The following FGF14 variants were observed in gnomAD, a reference collection of about 807,000 sequenced individuals.
FGF14 encodes fibroblast growth factor homologous factor 4.
A neutral mutation model predicts 25.5 loss-of-function variants in FGF14; 5 were observed. The observed-to-expected ratio is 0.20, with a 90% CI of 0.10 to 0.41. The LOEUF (loss-of-function observed/expected upper bound fraction) is 0.41. Ranked by LOEUF, FGF14 falls within the 10% of genes least tolerant of loss-of-function variation. FGF14 has a pLI of 1.00. For missense variants in FGF14, 222 were observed against 320.1 expected (o/e 0.69, Z 2.34); for synonymous variants, 138 against 118.3 (o/e 1.17, Z -1.08).
chr13:101,875,257 C>T lies in FGF14; in HGVS notation c.233G>A (p.Arg78Lys), dbSNP rs775032992. Residue 78 changes from arginine (R) to lysine (K), a missense_variant, in exon 2 of 5, where the codon AGG (arginine) becomes AAG (lysine). This residue lies in a region of FGF14 where 50 missense variants were observed against 75.2 expected (regional missense o/e 0.66). Transcript: ENST00000376143. ...GTGCATTTGCAAGTAGTAGCCTTGC[C>T]TGCAATATAACCTGGTCACTATACC... is the stretch of plus-strand genomic sequence containing the variant. ...LKGIVTRLYC[R>K]QGYYLQMHPD... 1.2e-6 allele frequency: 2 copies of T among 1,613,300 alleles called. No individual in the cohort carries two copies. Among genetic ancestry groups the T allele is most frequent in the East Asian group, 2.2e-5 (1 of 44,824 alleles).
chr13:101,861,947 T>C (rs577237607), intron 3 of FGF14, among the ~76,000 whole-genome samples: 20 of 152,214 alleles, frequency 1.3e-4, no homozygotes, highest in Admixed American at 5.2e-4. Context: ...GGTTTTCTTG[T>C]TTGTTTGTTC....
intron 1 of FGF14, among the ~76,000 whole-genome samples, chr13:101,942,754 CTG>C (rs2035536756): frequency 6.6e-6 from 1 of 152,218 alleles, no homozygotes; most frequent in Non-Finnish European, 1.5e-5. Context: ...ACACTGGTGT[CTG>C]TGTTTCTATG....
chr13:101,887,268 T>C (rs2046037247), intron 1 of FGF14, among the ~76,000 whole-genome samples: 1 of 151,878 alleles, frequency 6.6e-6, no homozygotes, highest in African/African-American at 2.4e-5. Flanking sequence ...GGGGTCAATG[T>C]CCATCAATGG....
At chr13:102,343,238 G>T (rs1025974852) in intron 1 of FGF14, among the ~76,000 whole-genome samples, 22 of 152,140 alleles carry the variant, frequency 1.4e-4, no homozygotes, top group African/African-American at 4.8e-4. Flanking sequence ...AAGGGTAATT[G>T]AATACAAAAA....
chr13:102,136,452 T>TAAC (rs139258268), intron 1 of FGF14, among the ~76,000 whole-genome samples: 5,303 of 152,108 alleles, frequency 0.035, 303 homozygotes, highest in African/African-American at 0.12. Context: ...ATGCCTCCCA[T>TAAC]AACAACAACA....
At chr13:102,134,705 C>T (rs928239365) in intron 1 of FGF14, among the ~76,000 whole-genome samples, 11 of 152,228 alleles carry the variant, frequency 7.2e-5, no homozygotes, top group African/African-American at 1.9e-4. Context: ...CTTATAGTGA[C>T]TGATATGGCA....
At chr13:102,059,089 T>A (rs1006817727) in intron 1 of FGF14, among the ~76,000 whole-genome samples, 2 of 152,126 alleles carry the variant, frequency 1.3e-5, no homozygotes, top group Non-Finnish European at 2.9e-5. Flanking sequence ...AAAATAATGA[T>A]GAGGCTACTT....
At chr13:101,862,789 T>C (rs1019655742) in intron 3 of FGF14, among the ~76,000 whole-genome samples, 1 of 152,074 alleles carries the variant, frequency 6.6e-6, no homozygotes, top group Admixed American at 6.6e-5. Flanking sequence ...CAAGAAAGGA[T>C]AATAGCCATT....
At chr13:101,940,368 C>T (rs1397186961) in intron 1 of FGF14, among the ~76,000 whole-genome samples, 1 of 152,218 alleles carries the variant, frequency 6.6e-6, no homozygotes, top group African/African-American at 2.4e-5. Flanking sequence ...AGCCTTAATT[C>T]TCCAGTGGGA....
At chr13:102,156,979 T>G (rs1407496020) in intron 1 of FGF14, among the ~76,000 whole-genome samples, 2 of 152,156 alleles carry the variant, frequency 1.3e-5, no homozygotes, top group African/African-American at 2.4e-5. Context: ...CAAGGAGAAC[T>G]ACAAACCACT....
intron 1 of FGF14, among the ~76,000 whole-genome samples, chr13:101,951,234 T>C (rs2036149527): frequency 6.6e-6 from 1 of 152,194 alleles, no homozygotes; most frequent in South Asian, 2.1e-4. Flanking sequence ...AATCAAAGAA[T>C]GATGTTCATA....
chr13:101,888,484 G>T (rs2046106027), intron 1 of FGF14, among the ~76,000 whole-genome samples: 1 of 152,110 alleles, frequency 6.6e-6, no homozygotes. Flanking sequence ...TTGTGCTCAA[G>T]AATTGGGAGG....
At chr13:101,940,249 G>GT (rs773946734) in intron 1 of FGF14, among the ~76,000 whole-genome samples, 1 of 152,216 alleles carries the variant, frequency 6.6e-6, no homozygotes, top group African/African-American at 2.4e-5. Context: ...GAAGAACAGT[G>GT]TTTTAAAAGG....
intron 1 of FGF14, chr13:102,293,605 A>G (rs1336658): frequency 0.79 from 119,537 of 152,150 alleles, 47,783 homozygotes; most frequent in African/African-American, 0.94. Context: ...AAAACATTTG[A>G]GAAAAGAGAA....
At chr13:102,082,889 C>T (rs1013505845) in intron 1 of FGF14, among the ~76,000 whole-genome samples, 67 of 151,708 alleles carry the variant, frequency 4.4e-4, no homozygotes, top group African/African-American at 1.5e-3. Flanking sequence ...ACCCGGGAGG[C>T]GGAGCTTGCA....
intron 1 of FGF14, among the ~76,000 whole-genome samples, chr13:101,888,701 G>A (rs924602703): frequency 2.0e-5 from 3 of 152,170 alleles, no homozygotes; most frequent in African/African-American, 7.2e-5. Context: ...AAATAAATGA[G>A]CATCTCCCTG....
rs373017719 is a variant in FGF14 at position 102,191,433 on chromosome 13, A to G, written c.208+210038T>C. ...AGCCTCTTTTTCAGGCTTCTTTCTC[A>G]CTGTGAGCTCCTTTGGTTAACATGC... On this transcript the variant is annotated intron_variant, in intron 1 of 4. Transcript: ENST00000376131. Among the ~76,000 whole-genome samples, 3 of 152,114 alleles carry G rather than the reference A, an allele frequency of 2.0e-5. No individual in the cohort carries two copies. The East Asian group carries it at 5.8e-4, about 29-fold the overall frequency.
At chr13:101,981,671 A>C (rs1460179142) in intron 1 of FGF14, among the ~76,000 whole-genome samples, 3 of 152,092 alleles carry the variant, frequency 2.0e-5, no homozygotes, top group African/African-American at 7.2e-5. Flanking sequence ...ACAACAACAA[A>C]AACCCTCGAA....
At chr13:102,267,266 G>A (rs939432095) in intron 1 of FGF14, among the ~76,000 whole-genome samples, 6 of 152,134 alleles carry the variant, frequency 3.9e-5, no homozygotes, top group African/African-American at 1.2e-4. Context: ...CTCAATGAAG[G>A]GACCTGAGAC....
Sources: gnomAD v4.1 joint callset for allele counts (sites outside exome capture counted in the v4.1 genomes callset) on GRCh38, gnomAD v4.1.1 for gene constraint, gnomAD v4.1.1 regional missense constraint, MANE v1.5 for transcripts, NCBI Gene and HGNC (gene_info 2026-07-23, HGNC 2026-07-21) for gene names.